Variants in TNKS2 observed in about 807,000 individuals in gnomAD.
The protein encoded by TNKS2 is poly [ADP-ribose] polymerase tankyrase-2.
Under a neutral mutation model 137.6 loss-of-function variants are expected in TNKS2, and 72 were observed. The ratio of observed to expected loss-of-function variants is 0.52; its 90% confidence interval spans 0.43 to 0.64. TNKS2 has a LOEUF of 0.64. TNKS2 is among the 30% of genes least tolerant of loss of function. The pLI is 0.00. For synonymous variants in TNKS2, 516 were observed against 512.1 expected (o/e 1.01, Z -0.10); for missense variants, 1,049 against 1,410.2 (o/e 0.74, Z 4.10).
rs763358203 is a variant in TNKS2, at chr10:91,831,121, C to T, written c.1215C>T (p.His405=). The T allele has an allele frequency of 4.3e-6, 7 of 1,613,922 alleles. No individual in the cohort carries two copies. In the East Asian group the frequency reaches 6.7e-5, roughly 15 times the overall value. Reference sequence around the variant, plus strand: ...CTCTAAGATTCTTGACTCCTCTGCACGTGGCATCTGAGAAAGCTCATAATG... The same window carrying T: ...CTCTAAGATTCTTGACTCCTCTGCATGTGGCATCTGAGAAAGCTCATAATG... The part of the protein sequence containing the change: ...EKTKEFLTPL[H]VASEKAHNDV... Residue 405 remains histidine, a synonymous_variant, in exon 11 of 27, where the codon CAC becomes CAT. Coordinates refer to ENST00000371627, the MANE Select transcript of TNKS2 (RefSeq NM_025235.4).
rs569741889 is a variant in TNKS2 at position 91,798,564 on chromosome 10, A to G, written c.-127A>G. 8 of 1,092,836 alleles carry G rather than the reference A, an allele frequency of 7.3e-6. No homozygotes were observed. The East Asian group carries it at 2.6e-4, about 35-fold the overall frequency. 67.7% of individuals were successfully genotyped at this position (1,092,836 alleles called of 1,614,324 possible). ...ATGGGACTGCGCCGGATCCGGTGAC[A>G]GCAGGGAGCCAAGCGGCCCGGGCCC... On this transcript the variant is annotated 5_prime_UTR_variant, in exon 1 of 27. Coordinates refer to ENST00000371627, the MANE Select transcript of TNKS2 (RefSeq NM_025235.4).
chr10:91,821,106 T>C (rs1844875879), intron 6 of TNKS2, among the ~76,000 whole-genome samples: 1 of 152,078 alleles, frequency 6.6e-6, no homozygotes, highest in South Asian at 2.1e-4. Flanking sequence ...GGCGCGATCG[T>C]GGTTCACTGC....
chr10:91,838,268 T>G (rs1842094904), intron 13 of TNKS2, among the ~76,000 whole-genome samples: 1 of 151,986 alleles, frequency 6.6e-6, no homozygotes, highest in African/African-American at 2.4e-5. Flanking sequence ...GTAATGCCAT[T>G]GGATTCAGGA....
At chr10:91,857,791 A>G (rs1282700507) in intron 24 of TNKS2, among the ~76,000 whole-genome samples, 1 of 152,156 alleles carries the variant, frequency 6.6e-6, no homozygotes, top group African/African-American at 2.4e-5. Flanking sequence ...TTTAAATAGT[A>G]AATTTTGCTT....
chr10:91,834,670 C>T (rs935236569), intron 12 of TNKS2, among the ~76,000 whole-genome samples: 4 of 152,208 alleles, frequency 2.6e-5, no homozygotes, highest in African/African-American at 7.2e-5. Context: ...CTGGGAACCA[C>T]GTTTTGAGAA....
chr10:91,840,803 C>A, intron 14 of TNKS2, 97 bp downstream of exon 14: 1 of 1,274,242 alleles, frequency 7.8e-7, no homozygotes, highest in Non-Finnish European at 1.1e-6. Context: ...TTCAAGAAAG[C>A]CTGTTTCCTA....
At chr10:91,816,800 G>A (rs1229373808) in intron 2 of TNKS2, among the ~76,000 whole-genome samples, 1 of 150,410 alleles carries the variant, frequency 6.6e-6, no homozygotes, top group Non-Finnish European at 1.5e-5. Flanking sequence ...GTGTTCTTTT[G>A]GAATGAGAAA....
At chr10:91,853,863 T>C (rs1842627992) in intron 21 of TNKS2, among the ~76,000 whole-genome samples, 1 of 152,214 alleles carries the variant, frequency 6.6e-6, no homozygotes, top group African/African-American at 2.4e-5. Context: ...TTCCATGCAC[T>C]AACCCAGCAG....
chr10:91,799,069 C>G (rs1844070221), intron 1 of TNKS2, among the ~76,000 whole-genome samples, 180 bp downstream of exon 1: 1 of 152,130 alleles, frequency 6.6e-6, no homozygotes, highest in Admixed American at 6.5e-5. Context: ...GTGCCACACT[C>G]GCTGGAAGTT....
At chr10:91,810,771 G>A (rs1191715613) in intron 1 of TNKS2, among the ~76,000 whole-genome samples, 4 of 151,454 alleles carry the variant, frequency 2.6e-5, no homozygotes, top group Non-Finnish European at 4.4e-5. Flanking sequence ...GCCTCCCAAA[G>A]TGCTGGGATT....
At chr10:91,862,601 T>C (rs189384034) in intron 26 of TNKS2, among the ~76,000 whole-genome samples, 2 of 152,336 alleles carry the variant, frequency 1.3e-5, no homozygotes, top group East Asian at 1.9e-4. Context: ...CAAAGAAGTA[T>C]ATAACTGTGT....
At position 91,840,670 on chromosome 10, in the gene TNKS2, T is replaced by C; in HGVS notation, c.1637T>C (p.Leu546Pro). ...YNRVSVVEYL[L>P]QHGADVHAKD... The stretch of plus-strand genomic sequence containing the variant: ...AGAGTGTCCGTGGTGGAATATCTGC[T>C]ACAGCATGGAGCTGATGTGCATGCT... Residue 546 changes from leucine to proline, a missense_variant, in exon 14 of 27, where the codon CTA becomes CCA. Transcript: ENST00000371627. 6.2e-7 allele frequency: 1 copy of C among 1,614,184 alleles called. No individual in the cohort carries two copies. The highest frequency in any genetic ancestry group is 8.5e-7 in the Non-Finnish European group (1 of 1,180,022).
intron 18 of TNKS2, among the ~76,000 whole-genome samples, chr10:91,846,206 C>T (rs1314896746): frequency 2.6e-5 from 4 of 152,166 alleles, no homozygotes; most frequent in African/African-American, 7.2e-5. Flanking sequence ...TAACTGCTTA[C>T]GTTAGTTAGG....
chr10:91,856,780 GAGCCAAGACTAAAACCATC>G (rs1842718308), intron 23 of TNKS2, among the ~76,000 whole-genome samples: 1 of 152,010 alleles, frequency 6.6e-6, no homozygotes, highest in African/African-American at 2.4e-5. Flanking sequence ...TGCATTATTT[GAGCCAAGACTAAAACCATC>G]AGCTTCCAGG....
intron 1 of TNKS2, among the ~76,000 whole-genome samples, chr10:91,803,010 T>G (rs1327062203): frequency 6.6e-6 from 1 of 152,154 alleles, no homozygotes; most frequent in Non-Finnish European, 1.5e-5. Flanking sequence ...ATAACAAGAG[T>G]TTGGAGTACT....
chr10:91,840,761 A>G (rs1331725511), intron 14 of TNKS2, 55 bp downstream of exon 14: 3 of 1,504,016 alleles, frequency 2.0e-6, no homozygotes, highest in Non-Finnish European at 2.7e-6. Flanking sequence ...TGACCTTTTT[A>G]GGAAAACCTG....
intron 11 of TNKS2, among the ~76,000 whole-genome samples, chr10:91,831,548 G>A (rs529579052): frequency 1.3e-5 from 2 of 152,156 alleles, no homozygotes; most frequent in Admixed American, 6.5e-5. Flanking sequence ...CCCAACCACC[G>A]TTTTTGTTTC....
intron 11 of TNKS2, among the ~76,000 whole-genome samples, 173 bp from the exon 12 acceptor site, chr10:91,833,680 A>G (rs1357708820): frequency 6.6e-6 from 1 of 152,198 alleles, no homozygotes; most frequent in African/African-American, 2.4e-5. Context: ...GGTAGCCTTC[A>G]TGACTTGGTA....
intron 13 of TNKS2, among the ~76,000 whole-genome samples, chr10:91,839,742 G>A (rs1219156829): frequency 6.6e-6 from 1 of 152,146 alleles, no homozygotes. Context: ...TGGACCCAAT[G>A]CACATTAAAG....
Sources: gnomAD v4.1 joint callset for allele counts (sites outside exome capture counted in the v4.1 genomes callset) on GRCh38, gnomAD v4.1.1 for gene constraint, MANE v1.5 for transcripts, NCBI Gene and HGNC (gene_info 2026-07-23, HGNC 2026-07-21) for gene names.